The following CASR variants were observed in gnomAD, a reference collection of about 807,000 sequenced individuals.
The protein encoded by CASR is calcium sensing receptor, also known as extracellular calcium-sensing receptor.
In CASR, 23 loss-of-function variants were observed where a neutral mutation model predicts 69.1. The observed-to-expected ratio is 0.33, with a 90% CI of 0.24 to 0.47. The LOEUF (loss-of-function observed/expected upper bound fraction) is 0.47, where lower values mean the gene tolerates loss of function less well. CASR is among the 20% of genes least tolerant of loss of function. The pLI, the probability that CASR is intolerant of heterozygous loss-of-function variation, is 1.00. For synonymous variants in CASR, 541 were observed against 544.7 expected, an observed-to-expected ratio of 0.99 and a Z score of 0.10; for missense variants, 924 against 1,356.1, an observed-to-expected ratio of 0.68 and a Z score of 5.00.
At chr3:122,184,053 C>T (rs1430472540) in intron 1 of CASR, among the ~76,000 whole-genome samples, 10 of 152,152 alleles carry the variant, frequency 6.6e-5, no homozygotes, top group East Asian at 5.8e-4. Context: ...GCGCGGGGCT[C>T]GCCGTCTGCT....
chr3:122,274,585 G>A (rs3792288), intron 4 of CASR, among the ~76,000 whole-genome samples: 17,739 of 152,176 alleles, frequency 0.12, 1,371 homozygotes, highest in East Asian at 0.4. Context: ...GAGATTAGAC[G>A]TTGGATTTTA....
intron 1 of CASR, among the ~76,000 whole-genome samples, chr3:122,252,463 G>GAAAGAAAGAAAGAAAGAAAAAAAAGAA: frequency 1.1e-5 from 1 of 88,516 alleles, no homozygotes; most frequent in African/African-American, 4.5e-5. Context: ...AGAAAAGAAA[G>GAAAGAAAGAAAGAAAGAAAAAAAAGAA]AAAAGAAAAG....
At chr3:122,237,702 C>T (rs1223948373) in intron 1 of CASR, among the ~76,000 whole-genome samples, 1 of 152,080 alleles carries the variant, frequency 6.6e-6, no homozygotes, top group African/African-American at 2.4e-5. Context: ...ATTTTAAATA[C>T]ATTTTGGGAA....
intron 1 of CASR, chr3:122,247,193 C>T (rs2074436493): frequency 6.6e-6 from 1 of 152,108 alleles, no homozygotes; most frequent in Non-Finnish European, 1.5e-5. Flanking sequence ...TGTCCCATAC[C>T]AAAATAAGCA....
At chr3:122,206,080 A>G (rs1391792472) in intron 1 of CASR, among the ~76,000 whole-genome samples, 2 of 151,832 alleles carry the variant, frequency 1.3e-5, no homozygotes, top group Non-Finnish European at 2.9e-5. Context: ...TTGCCTAATT[A>G]TTCTAGCCAA....
chr3:122,236,830 G>A (rs1414408897), intron 1 of CASR, among the ~76,000 whole-genome samples: 5 of 152,086 alleles, frequency 3.3e-5, no homozygotes, highest in Non-Finnish European at 5.9e-5. Context: ...AGAAAAATAT[G>A]AAGTAGTCCT....
At chr3:122,256,597 T>C (rs1406175306) in intron 2 of CASR, among the ~76,000 whole-genome samples, 2 of 152,208 alleles carry the variant, frequency 1.3e-5, no homozygotes, top group African/African-American at 4.8e-5. Context: ...ATGAGGCAAG[T>C]GTCATCCTCC....
rs1361767632 is a variant in CASR, at chr3:122,287,401, G to A, written c.*2210G>A. The A allele has an allele frequency of 5.3e-5, 8 of 152,200 alleles. No homozygotes were observed. The highest frequency in any genetic ancestry group is 5.9e-5 in the Non-Finnish European group (4 of 68,032). 9.4% of individuals were successfully genotyped at this position (152,200 alleles called of 1,614,324 possible). ...GCAGGCACAACTCAGCACAAAATCA[G>A]GGGTGTGAAATATGAACTTGCATTG... On this transcript the variant is annotated 3_prime_UTR_variant, in exon 7 of 7. Transcript: ENST00000639785.
At chr3:122,238,091 A>G (rs545440776) in intron 1 of CASR, among the ~76,000 whole-genome samples, 1 of 152,354 alleles carries the variant, frequency 6.6e-6, no homozygotes, top group South Asian at 2.1e-4. Context: ...AAAAGAAGTA[A>G]AAATCAGGTG....
At chr3:122,242,101 C>T (rs956994529) in intron 1 of CASR, among the ~76,000 whole-genome samples, 1 of 152,046 alleles carries the variant, frequency 6.6e-6, no homozygotes, top group Non-Finnish European at 1.5e-5. Context: ...ATCTGGAAGC[C>T]TTTCCTCTAA....
intron 4 of CASR, among the ~76,000 whole-genome samples, chr3:122,271,997 ATT>A (rs2074763742): frequency 6.6e-6 from 1 of 151,970 alleles, no homozygotes; most frequent in East Asian, 1.9e-4. Context: ...GAACATTTGG[ATT>A]GTTCCCACCT....
intron 3 of CASR, among the ~76,000 whole-genome samples, chr3:122,261,278 T>G (rs1239550649): frequency 6.6e-6 from 1 of 152,234 alleles, no homozygotes; most frequent in Non-Finnish European, 1.5e-5. Flanking sequence ...GAAGTTAGCA[T>G]TGTGAAGAAT....
intron 1 of CASR, among the ~76,000 whole-genome samples, chr3:122,218,480 G>A (rs1485203784): frequency 2.0e-5 from 3 of 148,024 alleles, no homozygotes; most frequent in Non-Finnish European, 4.4e-5. Flanking sequence ...GTTGCAGTGA[G>A]CCGAGATCAT....
At chr3:122,204,062 T>G (rs2073983143) in intron 1 of CASR, among the ~76,000 whole-genome samples, 2 of 152,196 alleles carry the variant, frequency 1.3e-5, no homozygotes, top group African/African-American at 4.8e-5. Flanking sequence ...ACTTGGGATA[T>G]CCATCACCTT....
chr3:122,200,856 A>C (rs1431946238), intron 1 of CASR, among the ~76,000 whole-genome samples: 1 of 152,214 alleles, frequency 6.6e-6, no homozygotes, highest in Non-Finnish European at 1.5e-5. Flanking sequence ...AGCTAAGCAC[A>C]TCCTTGCCAA....
At chr3:122,198,148 A>G (rs1334867746) in intron 1 of CASR, among the ~76,000 whole-genome samples, 1 of 152,228 alleles carries the variant, frequency 6.6e-6, no homozygotes, top group East Asian at 1.9e-4. Flanking sequence ...AGTTTAGATG[A>G]AAAGCAAGTC....
chr3:122,227,830 T>C (rs1005157006), intron 1 of CASR, among the ~76,000 whole-genome samples: 1 of 152,184 alleles, frequency 6.6e-6, no homozygotes, highest in African/African-American at 2.4e-5. Context: ...CTCAGCATCA[T>C]GCAATTTACC....
intron 1 of CASR, among the ~76,000 whole-genome samples, chr3:122,204,252 C>G (rs969372230): frequency 6.6e-6 from 1 of 152,116 alleles, no homozygotes; most frequent in Non-Finnish European, 1.5e-5. Flanking sequence ...TCCCCCAAGC[C>G]TCTGGTGACC....
intron 1 of CASR, among the ~76,000 whole-genome samples, chr3:122,189,198 C>G (rs1048145526): frequency 2.6e-5 from 4 of 152,344 alleles, no homozygotes; most frequent in African/African-American, 9.6e-5. Flanking sequence ...CTTTCTATCT[C>G]TGACCTTCAG....
Sources: allele counts gnomAD v4.1 joint callset (sites outside exome capture counted in the v4.1 genomes callset), GRCh38; gene constraint gnomAD v4.1.1; transcripts MANE v1.5; gene names NCBI Gene and HGNC (gene_info 2026-07-23, HGNC 2026-07-21).